Variants in FLRT2 observed in about 807,000 individuals in gnomAD.
FLRT2 encodes the protein fibronectin leucine rich transmembrane protein 2.
A neutral mutation model predicts 40.0 loss-of-function variants in FLRT2; 15 were observed. The observed-to-expected ratio is 0.38, with a 90% CI of 0.25 to 0.58. FLRT2 has a LOEUF of 0.58. Ranked by LOEUF, FLRT2 falls within the 20% of genes least tolerant of loss-of-function variation. FLRT2 has a pLI of 0.71. For synonymous variants in FLRT2, 380 were observed against 336.8 expected, an observed-to-expected ratio of 1.13 and a Z score of -1.41; for missense variants, 726 against 840.0, an observed-to-expected ratio of 0.86 and a Z score of 1.68.
chr14:85,534,844 G>GC (rs1322114570), intron 1 of FLRT2, among the ~76,000 whole-genome samples: 4 of 74,616 alleles, frequency 5.4e-5, no homozygotes, highest in Admixed American at 1.8e-4. Context: ...ACTCCCCGAC[G>GC]CCCCCTTTCC....
intron 1 of FLRT2, among the ~76,000 whole-genome samples, chr14:85,545,058 A>G (rs958344759): frequency 1.3e-5 from 2 of 152,148 alleles, no homozygotes; most frequent in Non-Finnish European, 2.9e-5. Context: ...TTGATCAGAC[A>G]CTACCCCTTA....
chr14:85,580,593 A>G (rs2139874588), intron 1 of FLRT2, among the ~76,000 whole-genome samples: 1 of 152,300 alleles, frequency 6.6e-6, no homozygotes, highest in Non-Finnish European at 1.5e-5. Context: ...TTAATGTTCA[A>G]AGAGAAGAAA....
chr14:85,547,848 C>T (rs569737655), intron 1 of FLRT2, among the ~76,000 whole-genome samples: 1 of 152,146 alleles, frequency 6.6e-6, no homozygotes, highest in East Asian at 1.9e-4. Context: ...GTAAGATGTA[C>T]ATTGGTTCAG....
chr14:85,561,946 C>A lies in FLRT2; in HGVS notation c.-377+31412C>A, dbSNP rs1890353730. On this transcript the variant is annotated intron_variant, in intron 1 of 1. Transcript: ENST00000330753. ...CCCTAAAATTCCAGAGCTTCTCATC[C>A]TCACATCTATGTGACACTTCTGTCA... Among the ~76,000 whole-genome samples, 4 of 152,314 alleles carry A rather than the reference C, an allele frequency of 2.6e-5. No individual in the cohort carries two copies. The South Asian group carries it at 8.3e-4, about 32-fold the overall frequency.
intron 1 of FLRT2, among the ~76,000 whole-genome samples, chr14:85,584,975 G>A (rs1006898111): frequency 6.6e-6 from 1 of 152,110 alleles, no homozygotes; most frequent in South Asian, 2.1e-4. Context: ...GATGTAAGAA[G>A]GATAAGGAGA....
At chr14:85,571,287 C>A (rs375102749) in intron 1 of FLRT2, among the ~76,000 whole-genome samples, 2 of 152,012 alleles carry the variant, frequency 1.3e-5, no homozygotes. Flanking sequence ...AAATTATCAC[C>A]TTATATAATA....
At chr14:85,551,625 G>T (rs1889624339) in intron 1 of FLRT2, 2 of 152,260 alleles carry the variant, frequency 1.3e-5, no homozygotes, top group East Asian at 3.9e-4. Context: ...TGGAAGGATG[G>T]ACACATGGAA....
chr14:85,543,635 GA>G (rs1889107946), intron 1 of FLRT2, among the ~76,000 whole-genome samples: 1 of 151,980 alleles, frequency 6.6e-6, no homozygotes, highest in Non-Finnish European at 1.5e-5. Context: ...TGACAATCTA[GA>G]TCTCAAACCA....
In FLRT2 at chr14:85,643,297, T is replaced by G. The variant is rs533322319; in HGVS notation, c.*19800T>G. On this transcript the variant is annotated 3_prime_UTR_variant, in exon 2 of 2. Transcript: ENST00000330753. ...TTCAGAGGGTATTTCTTTTTTTTCTTTCTTTCTTTCTTTCTTTCTTTCTTT... is the reference window on the plus strand; with the variant it reads ...TTCAGAGGGTATTTCTTTTTTTTCTGTCTTTCTTTCTTTCTTTCTTTCTTT... The G allele has an allele frequency of 1.1e-5, 1 of 89,050 alleles. No individual in the cohort carries two copies. Among genetic ancestry groups the G allele is most frequent in the Non-Finnish European group, 2.1e-5 (1 of 48,596 alleles). 5.5% of individuals were successfully genotyped at this position (89,050 alleles called of 1,614,324 possible).
chr14:85,579,517 A>G (rs1046238199), intron 1 of FLRT2, among the ~76,000 whole-genome samples: 1 of 152,168 alleles, frequency 6.6e-6, no homozygotes. Context: ...CGGAAAATTT[A>G]TAAATGAATC....
intron 1 of FLRT2, among the ~76,000 whole-genome samples, chr14:85,532,232 C>A (rs2139791550): frequency 6.6e-6 from 1 of 152,238 alleles, no homozygotes; most frequent in Admixed American, 6.5e-5. Flanking sequence ...TTAAACTCTC[C>A]GGTTGCATCT....
At position 85,635,204 on chromosome 14, in the gene FLRT2, A is replaced by G. The variant is rs1000070991; in HGVS notation, c.*11707A>G. On this transcript the variant is annotated 3_prime_UTR_variant, in exon 2 of 2. Transcript: ENST00000330753. ...TGTGACTTTGTATCTGTGTGATATT[A>G]TTTAATGTCCCTAAGCCTCAGTTTC... 3.9e-5 allele frequency: 6 copies of G among 152,290 alleles called. No homozygotes were observed. In the South Asian group the frequency reaches 1.2e-3, roughly 32 times the overall value. 9.4% of individuals were successfully genotyped at this position (152,290 alleles called of 1,614,324 possible).
chr14:85,582,480 G>A (rs1454235211), intron 1 of FLRT2, among the ~76,000 whole-genome samples: 1 of 152,154 alleles, frequency 6.6e-6, no homozygotes, highest in South Asian at 2.1e-4. Context: ...AATTAGGCCA[G>A]TCAGAGTTTA....
chr14:85,606,304 T>C (rs1016588587), intron 1 of FLRT2, among the ~76,000 whole-genome samples: 5 of 152,148 alleles, frequency 3.3e-5, no homozygotes, highest in Non-Finnish European at 7.3e-5. Context: ...GTGTTTTCTA[T>C]GATTAAATGG....
intron 1 of FLRT2, among the ~76,000 whole-genome samples, chr14:85,600,398 C>G (rs1214501402): frequency 6.6e-6 from 1 of 152,150 alleles, no homozygotes; most frequent in Non-Finnish European, 1.5e-5. Context: ...AGCATTTAAT[C>G]ATGTACATTT....
intron 1 of FLRT2, among the ~76,000 whole-genome samples, chr14:85,542,098 A>G (rs1467205123): frequency 6.6e-6 from 1 of 152,192 alleles, no homozygotes; most frequent in African/African-American, 2.4e-5. Context: ...TAGAATGATT[A>G]TACCTTGCTG....
chr14:85,588,199 G>A (rs1313461542), intron 1 of FLRT2, among the ~76,000 whole-genome samples: 2 of 151,900 alleles, frequency 1.3e-5, no homozygotes, highest in African/African-American at 4.8e-5. Context: ...GCCTATTTTT[G>A]TCTCCTCTTA....
chr14:85,545,514 G>A (rs1360665884), intron 1 of FLRT2, among the ~76,000 whole-genome samples: 19 of 152,182 alleles, frequency 1.2e-4, no homozygotes, highest in Admixed American at 1.2e-3. Context: ...ATTACTCACT[G>A]TCCAGTAGGT....
chr14:85,606,493 C>T (rs1223971041), intron 1 of FLRT2, among the ~76,000 whole-genome samples: 5 of 150,364 alleles, frequency 3.3e-5, no homozygotes, highest in South Asian at 2.1e-4. Flanking sequence ...GTGCATTACA[C>T]GTTACATGTT....
Sources: allele counts gnomAD v4.1 joint callset (sites outside exome capture counted in the v4.1 genomes callset), GRCh38; gene constraint gnomAD v4.1.1; transcripts MANE v1.5; gene names NCBI Gene and HGNC (gene_info 2026-07-23, HGNC 2026-07-21).